LHFPL6: variants seen among roughly 807,000 people sequenced by gnomAD.
The protein encoded by LHFPL6 is LHFPL tetraspan subfamily member 6.
LHFPL6 carries 9 observed loss-of-function variants against 20.6 expected under a neutral mutation model. The ratio of observed to expected loss-of-function variants is 0.44; its 90% confidence interval spans 0.26 to 0.76. LHFPL6 has a LOEUF of 0.76. Ranked by LOEUF, LHFPL6 falls within the 30% of genes least tolerant of loss-of-function variation. The pLI is 0.20. For missense variants in LHFPL6, 218 were observed against 253.5 expected (o/e 0.86, Z 0.95); for synonymous variants, 105 against 98.7 (o/e 1.06, Z -0.38).
chr13:39,481,809 A>C (rs1868536961), intron 2 of LHFPL6, among the ~76,000 whole-genome samples: 1 of 152,160 alleles, frequency 6.6e-6, no homozygotes, highest in African/African-American at 2.4e-5. Context: ...GATTTTCAAC[A>C]GGAGTGTGAT....
At chr13:39,538,574 A>G (rs1009655969) in intron 2 of LHFPL6, among the ~76,000 whole-genome samples, 2 of 150,956 alleles carry the variant, frequency 1.3e-5, no homozygotes, top group African/African-American at 4.9e-5. Context: ...CAGTGTCATG[A>G]CGAAAGGTAC....
At chr13:39,562,861 T>G (rs1441293117) in intron 2 of LHFPL6, among the ~76,000 whole-genome samples, 1 of 151,858 alleles carries the variant, frequency 6.6e-6, no homozygotes, top group Non-Finnish European at 1.5e-5. Context: ...CTTCAAAGAT[T>G]TACACACTCT....
intron 2 of LHFPL6, among the ~76,000 whole-genome samples, chr13:39,504,328 T>C (rs1469340121): frequency 6.6e-6 from 1 of 152,248 alleles, no homozygotes; most frequent in Non-Finnish European, 1.5e-5. Context: ...TTTGTAGTTA[T>C]ATCTTATGGG....
chr13:39,374,044 A>C (rs1870224355), intron 3 of LHFPL6, among the ~76,000 whole-genome samples: 1 of 152,148 alleles, frequency 6.6e-6, no homozygotes, highest in South Asian at 2.1e-4. Context: ...AAAAGAAAAT[A>C]AATCATTCTA....
chr13:39,427,515 G>C (rs1432753397), intron 2 of LHFPL6, among the ~76,000 whole-genome samples: 1 of 152,070 alleles, frequency 6.6e-6, no homozygotes, highest in African/African-American at 2.4e-5. Context: ...TGTTCTTATT[G>C]CATCTATTGA....
chr13:39,456,781 T>C (rs898059560), intron 2 of LHFPL6, among the ~76,000 whole-genome samples: 1 of 152,086 alleles, frequency 6.6e-6, no homozygotes. Context: ...ATTTGTGATA[T>C]TGAATTAGAC....
intron 2 of LHFPL6, among the ~76,000 whole-genome samples, chr13:39,550,995 T>G (rs1433431002): frequency 6.6e-6 from 1 of 152,138 alleles, no homozygotes; most frequent in Non-Finnish European, 1.5e-5. Flanking sequence ...TACCCACATG[T>G]TGTCATTTGC....
intron 3 of LHFPL6, among the ~76,000 whole-genome samples, chr13:39,352,912 TATATATATATAAATG>T (rs1869619250): frequency 3.4e-5 from 2 of 58,852 alleles, no homozygotes; most frequent in Admixed American, 2.0e-4. Context: ...TATATAAATG[TATATATATATAAATG>T]TATATATATG....
At chr13:39,352,881 ATGTATATATATGTG>A (rs1566091594) in intron 3 of LHFPL6, among the ~76,000 whole-genome samples, 86 of 61,152 alleles carry the variant, frequency 1.4e-3, no homozygotes, top group African/African-American at 3.1e-3. Context: ...ATATATATAA[ATGTATATATATGTG>A]TATATATATA....
intron 2 of LHFPL6, among the ~76,000 whole-genome samples, chr13:39,569,440 G>A (rs992544569): frequency 6.6e-6 from 1 of 152,082 alleles, no homozygotes; most frequent in Non-Finnish European, 1.5e-5. Flanking sequence ...GAAAATGTTA[G>A]TTTTTGGAAA....
chr13:39,431,269 TG>T (rs1347266662), intron 2 of LHFPL6, among the ~76,000 whole-genome samples: 2 of 152,160 alleles, frequency 1.3e-5, no homozygotes, highest in Admixed American at 6.5e-5. Context: ...GCTTCATTCC[TG>T]AAGTCAGCAA....
intron 3 of LHFPL6, among the ~76,000 whole-genome samples, chr13:39,344,816 T>C (rs977528554): frequency 2.0e-5 from 3 of 152,244 alleles, no homozygotes; most frequent in African/African-American, 7.2e-5. Context: ...AAAAAGCTTC[T>C]CAGCATTTAA....
At chr13:39,349,448 T>C (rs938813872) in intron 3 of LHFPL6, among the ~76,000 whole-genome samples, 3 of 152,198 alleles carry the variant, frequency 2.0e-5, no homozygotes, top group East Asian at 3.9e-4. Flanking sequence ...TCCTTTTTCC[T>C]TTCCTCGCTC....
At chr13:39,552,639 A>G (rs911146195) in intron 2 of LHFPL6, among the ~76,000 whole-genome samples, 1 of 152,212 alleles carries the variant, frequency 6.6e-6, no homozygotes, top group African/African-American at 2.4e-5. Flanking sequence ...TCTGCATGGG[A>G]CTAGCAAAAC....
At chr13:39,351,623 A>G (rs1488231481) in intron 3 of LHFPL6, among the ~76,000 whole-genome samples, 1 of 152,196 alleles carries the variant, frequency 6.6e-6, no homozygotes, top group Non-Finnish European at 1.5e-5. Context: ...TGTCCTGGGA[A>G]TAACTCTGTA....
chr13:39,585,463 T>C (rs970010100), intron 2 of LHFPL6, among the ~76,000 whole-genome samples: 1 of 152,206 alleles, frequency 6.6e-6, no homozygotes, highest in African/African-American at 2.4e-5. Flanking sequence ...AATCAAGGGA[T>C]AGCTAGTTTA....
intron 2 of LHFPL6, among the ~76,000 whole-genome samples, chr13:39,577,783 G>C (rs7333551): frequency 0.064 from 9,762 of 151,902 alleles, 492 homozygotes; most frequent in African/African-American, 0.14. Context: ...ACAGGTGCAT[G>C]CCACCATATC....
At chr13:39,380,823 C>T (rs141065688) in intron 2 of LHFPL6, among the ~76,000 whole-genome samples, 194 of 152,128 alleles carry the variant, frequency 1.3e-3, no homozygotes, top group Non-Finnish European at 2.2e-3. Flanking sequence ...AGCACGAACC[C>T]TATTGTGAAC....
Position 39,432,641 on chromosome 13 carries a change from A to G in LHFPL6, c.386-54115T>C, listed in dbSNP as rs888807590. Among the ~76,000 whole-genome samples the G allele has an allele frequency of 3.3e-5, 5 of 152,188 alleles. No individual in the cohort carries two copies. In the South Asian group the frequency reaches 6.2e-4, roughly 19 times the overall value. ...AGTTCTTGTTTCCTTTCCTGGCTGT[A>G]TAAGTTTTTCCTTCCTTTGCACTTA... On this transcript the variant is annotated intron_variant, in intron 2 of 3. Coordinates refer to ENST00000379589, the MANE Select transcript of LHFPL6 (RefSeq NM_005780.3).
Sources: allele counts gnomAD v4.1 joint callset (sites outside exome capture counted in the v4.1 genomes callset), GRCh38; gene constraint gnomAD v4.1.1; transcripts MANE v1.5; gene names NCBI Gene and HGNC (gene_info 2026-07-23, HGNC 2026-07-21).